SPOPL: variants seen among roughly 807,000 people sequenced by gnomAD.
SPOPL encodes speckle-type POZ protein-like.
SPOPL carries 23 observed loss-of-function variants against 53.8 expected under a neutral mutation model. The observed-to-expected ratio is 0.43, with a 90% CI of 0.31 to 0.61. SPOPL has a LOEUF of 0.61. SPOPL is among the 20% of genes least tolerant of loss of function. The pLI, the probability that SPOPL is intolerant of heterozygous loss-of-function variation, is 0.12. For synonymous variants in SPOPL, 164 were observed against 149.7 expected, an observed-to-expected ratio of 1.10 and a Z score of -0.70; for missense variants, 442 against 466.9, an observed-to-expected ratio of 0.95 and a Z score of 0.49.
intron 1 of SPOPL, among the ~76,000 whole-genome samples, chr2:138,536,346 C>CACACACACA (rs1553469729): frequency 5.3e-5 from 8 of 151,312 alleles, no homozygotes; most frequent in African/African-American, 2.0e-4. Context: ...TGCCCCCCCC[C>CACACACACA]CACACACACA....
rs1327031165 is a variant in SPOPL, at chr2:138,528,285, T to C, written c.-60-21872T>C. The stretch of plus-strand genomic sequence containing the variant: ...CTCTGAGGCTTGCCACTTGGCCTTT[T>C]CCTGCTCTTTGTGTATGTGATGAAA... On this transcript the variant is annotated intron_variant, in intron 1 of 10. Coordinates refer to ENST00000280098, the MANE Select transcript of SPOPL (RefSeq NM_001001664.3). Among the ~76,000 whole-genome samples, 6 of 152,236 alleles carry C rather than the reference T, an allele frequency of 3.9e-5. No homozygotes were observed. In the East Asian group the frequency reaches 1.2e-3, roughly 29 times the overall value.
chr2:138,523,292 A>G (rs1684595993), intron 1 of SPOPL, among the ~76,000 whole-genome samples: 1 of 152,176 alleles, frequency 6.6e-6, no homozygotes, highest in South Asian at 2.1e-4. Context: ...TACTGTCACA[A>G]GAACATCACG....
rs1685780622 is a variant in SPOPL, at chr2:138,571,512, T to A, written c.*2432T>A. On this transcript the variant is annotated 3_prime_UTR_variant, in exon 11 of 11. Coordinates refer to ENST00000280098, the MANE Select transcript of SPOPL (RefSeq NM_001001664.3). ...GATAATATAATGCCTACCATTATAC[T>A]AACAGAATCATATGGTAGTTGATTT... 6.6e-6 allele frequency: 1 copy of A among 152,594 alleles called. No homozygotes were observed. The highest frequency in any genetic ancestry group is 1.5e-5 in the Non-Finnish European group (1 of 68,012). 9.5% of individuals were successfully genotyped at this position (152,594 alleles called of 1,614,324 possible).
chr2:138,536,346 C>CCACACACACA (rs757753670), intron 1 of SPOPL, among the ~76,000 whole-genome samples: 24 of 151,196 alleles, frequency 1.6e-4, no homozygotes, highest in African/African-American at 5.9e-4. Flanking sequence ...TGCCCCCCCC[C>CCACACACACA]CACACACACA....
intron 1 of SPOPL, among the ~76,000 whole-genome samples, chr2:138,535,830 A>G (rs569778307): frequency 6.6e-6 from 1 of 151,366 alleles, no homozygotes; most frequent in African/African-American, 2.4e-5. Context: ...TTTTCTTCAT[A>G]TTTTTCTGTC....
intron 1 of SPOPL, among the ~76,000 whole-genome samples, chr2:138,539,058 G>T (rs1232799674): frequency 6.6e-6 from 1 of 152,136 alleles, no homozygotes; most frequent in Non-Finnish European, 1.5e-5. Context: ...CTTCATCCAT[G>T]TCCCTACAAA....
chr2:138,553,681 G>C (rs1685361229), intron 5 of SPOPL, among the ~76,000 whole-genome samples: 1 of 151,994 alleles, frequency 6.6e-6, no homozygotes, highest in African/African-American at 2.4e-5. Context: ...TGCCTCCAGA[G>C]ACTATATAAT....
intron 5 of SPOPL, among the ~76,000 whole-genome samples, chr2:138,555,953 A>T (rs1333493265): frequency 6.6e-6 from 1 of 151,516 alleles, no homozygotes; most frequent in Non-Finnish European, 1.5e-5. Flanking sequence ...TGAATTTTTT[A>T]TTCTAGGTTC....
intron 1 of SPOPL, among the ~76,000 whole-genome samples, chr2:138,533,543 C>T (rs1684859721): frequency 6.6e-6 from 1 of 151,962 alleles, no homozygotes; most frequent in African/African-American, 2.4e-5. Flanking sequence ...CATTGTATTT[C>T]CCTAAAGTCA....
intron 10 of SPOPL, among the ~76,000 whole-genome samples, chr2:138,568,249 C>G (rs1471443007): frequency 6.6e-6 from 1 of 152,060 alleles, no homozygotes; most frequent in Non-Finnish European, 1.5e-5. Flanking sequence ...CCTTTCAAAC[C>G]TTAAAATAAG....
At position 138,573,115 on chromosome 2, in the gene SPOPL, G is replaced by A. The variant is rs1337227196; in HGVS notation, c.*4035G>A. ...AACTTATATTGAACTTTTCAGCCTC[G>A]TTTTTAATTAGCTGATGTTAATGAT... On this transcript the variant is annotated 3_prime_UTR_variant, in exon 11 of 11. Transcript: ENST00000280098. 4 of 151,914 alleles carry A rather than the reference G, an allele frequency of 2.6e-5. No individual in the cohort carries two copies. The highest frequency in any genetic ancestry group is 4.8e-5 in the African/African-American group (2 of 41,378). The allele number at this position is 151,914 out of a possible 1,614,324, so 9.4% of individuals were successfully genotyped here.
At chr2:138,504,245 G>T (rs990258991) in intron 1 of SPOPL, among the ~76,000 whole-genome samples, 1 of 152,138 alleles carries the variant, frequency 6.6e-6, no homozygotes, top group Non-Finnish European at 1.5e-5. Context: ...ATACTTGGGG[G>T]TGACACTGTT....
At chr2:138,540,220 G>A (rs1685038355) in intron 1 of SPOPL, among the ~76,000 whole-genome samples, 1 of 152,156 alleles carries the variant, frequency 6.6e-6, no homozygotes, top group Non-Finnish European at 1.5e-5. Context: ...GATTGACTTG[G>A]CAATGCAGGC....
chr2:138,556,715 GATTT>G (rs1488198824), intron 5 of SPOPL, among the ~76,000 whole-genome samples: 1 of 152,116 alleles, frequency 6.6e-6, no homozygotes, highest in Non-Finnish European at 1.5e-5. Context: ...TTTATTGGCA[GATTT>G]ATTTATTTAT....
At chr2:138,545,340 G>A (rs1030711940) in intron 1 of SPOPL, among the ~76,000 whole-genome samples, 3 of 152,120 alleles carry the variant, frequency 2.0e-5, no homozygotes, top group Non-Finnish European at 4.4e-5. Flanking sequence ...GGAGGGAGCC[G>A]TAGTAAGCAG....
At position 138,552,549 on chromosome 2, in the gene SPOPL, A is replaced by T. The variant is rs756509015; in HGVS notation, c.353-5A>T. 1 of 1,602,374 alleles carries T rather than the reference A, an allele frequency of 6.2e-7. No individual in the cohort carries two copies. The highest frequency in any genetic ancestry group is 1.1e-5 in the South Asian group (1 of 88,598). ...TTATTTAAACTCTATTCTGTTTTCC[A>T]CCAGAAAGCCAAAGAGCATATCGAT... On this transcript the variant is annotated splice_region_variant and splice_polypyrimidine_tract_variant and intron_variant, in intron 4 of 10. Coordinates refer to ENST00000280098, the MANE Select transcript of SPOPL (RefSeq NM_001001664.3).
chr2:138,547,570 T>A (rs2104888917), intron 1 of SPOPL, among the ~76,000 whole-genome samples: 1 of 152,274 alleles, frequency 6.6e-6, no homozygotes, highest in South Asian at 2.1e-4. Flanking sequence ...AGATCTTACG[T>A]ATTTTCTGTA....
At chr2:138,555,545 T>C (rs1333370315) in intron 5 of SPOPL, among the ~76,000 whole-genome samples, 2 of 152,196 alleles carry the variant, frequency 1.3e-5, no homozygotes, top group African/African-American at 2.4e-5. Context: ...GAAATTCGAC[T>C]GTTAAAAGTT....
At chr2:138,525,835 CAA>C (rs758644476) in intron 1 of SPOPL, among the ~76,000 whole-genome samples, 42 of 105,404 alleles carry the variant, frequency 4.0e-4, no homozygotes, top group Admixed American at 6.1e-4. Flanking sequence ...GAACCTGTCT[CAA>C]AAAAAAAAAA....
Sources: gnomAD v4.1 joint callset for allele counts (sites outside exome capture counted in the v4.1 genomes callset) on GRCh38, gnomAD v4.1.1 for gene constraint, MANE v1.5 for transcripts, NCBI Gene and HGNC (gene_info 2026-07-23, HGNC 2026-07-21) for gene names.